NRG3: variants seen among roughly 807,000 people sequenced by gnomAD.
NRG3 encodes pro-neuregulin-3, membrane-bound isoform.
A neutral mutation model predicts 66.9 loss-of-function variants in NRG3; 31 were observed. The observed-to-expected ratio is 0.46, with a 90% CI of 0.35 to 0.63. The LOEUF is 0.63. Ranked by LOEUF, NRG3 falls within the 20% of genes least tolerant of loss-of-function variation. NRG3 has a pLI of 0.00. For missense variants in NRG3, 910 were observed against 878.9 expected, an observed-to-expected ratio of 1.04 and a Z score of -0.45; for synonymous variants, 393 against 359.4, an observed-to-expected ratio of 1.09 and a Z score of -1.06.
intron 2 of NRG3, among the ~76,000 whole-genome samples, chr10:82,688,328 A>G (rs1173331045): frequency 1.3e-5 from 2 of 152,158 alleles, no homozygotes; most frequent in Non-Finnish European, 2.9e-5. Context: ...AAAGATTCTC[A>G]TATGCCTGAT....
chr10:82,308,648 C>T (rs1290203933), intron 1 of NRG3, among the ~76,000 whole-genome samples: 1 of 152,024 alleles, frequency 6.6e-6, no homozygotes, highest in Non-Finnish European at 1.5e-5. Context: ...ACCAATATTC[C>T]TCCTGTTTTT....
chr10:82,511,595 A>G (rs1376632623), intron 2 of NRG3, among the ~76,000 whole-genome samples: 1 of 152,158 alleles, frequency 6.6e-6, no homozygotes, highest in Non-Finnish European at 1.5e-5. Flanking sequence ...ACCAGATAGC[A>G]CAGAAGCTGG....
At chr10:82,256,286 C>G (rs573723547) in intron 1 of NRG3, among the ~76,000 whole-genome samples, 6 of 152,294 alleles carry the variant, frequency 3.9e-5, no homozygotes, top group African/African-American at 1.4e-4. Flanking sequence ...CATCATCATC[C>G]ACTTGCTGTG....
intron 1 of NRG3, among the ~76,000 whole-genome samples, chr10:82,097,600 A>G (rs961151304): frequency 1.3e-5 from 2 of 151,696 alleles, no homozygotes; most frequent in Non-Finnish European, 2.9e-5. Context: ...TTGGGTGAAC[A>G]TACAGTTTGA....
intron 1 of NRG3, among the ~76,000 whole-genome samples, chr10:81,987,150 C>T (rs376859879): frequency 8.9e-4 from 135 of 152,090 alleles, no homozygotes; most frequent in East Asian, 3.1e-3. Flanking sequence ...TGCAGTGACG[C>T]GATCTCGGCT....
intron 4 of NRG3, among the ~76,000 whole-genome samples, chr10:82,915,629 A>G (rs559957055): frequency 3.2e-4 from 45 of 140,042 alleles, no homozygotes; most frequent in Middle Eastern, 3.6e-3. Flanking sequence ...TTTGCACTTC[A>G]AAGTAAAAAA....
intron 3 of NRG3, among the ~76,000 whole-genome samples, chr10:82,824,396 T>C (rs530851399): frequency 6.6e-6 from 1 of 152,324 alleles, no homozygotes; most frequent in East Asian, 1.9e-4. Flanking sequence ...GAGGTGAAAT[T>C]GCTGAGTTAT....
chr10:82,508,612 G>A (rs1349950186), intron 2 of NRG3, among the ~76,000 whole-genome samples: 1 of 152,224 alleles, frequency 6.6e-6, no homozygotes, highest in Non-Finnish European at 1.5e-5. Context: ...ACTTGAAGTT[G>A]TGCACAGATC....
intron 1 of NRG3, among the ~76,000 whole-genome samples, chr10:81,995,771 A>G (rs59717937): frequency 0.015 from 2,321 of 152,332 alleles, 77 homozygotes; most frequent in East Asian, 0.15. Context: ...TGGGTCTTCA[A>G]TATTCTAGTC....
intron 2 of NRG3, among the ~76,000 whole-genome samples, chr10:82,549,479 G>A (rs2044159766): frequency 1.3e-5 from 2 of 152,022 alleles, no homozygotes; most frequent in African/African-American, 4.8e-5. Context: ...CAGGAGAGTT[G>A]GTTTTATGCA....
At chr10:82,147,076 C>G (rs919999707) in intron 1 of NRG3, among the ~76,000 whole-genome samples, 1 of 152,302 alleles carries the variant, frequency 6.6e-6, no homozygotes, top group Non-Finnish European at 1.5e-5. Context: ...CAGGAACTGA[C>G]CAGATCCAGT....
intron 1 of NRG3, among the ~76,000 whole-genome samples, chr10:81,968,454 G>A (rs2059810120): frequency 6.6e-6 from 1 of 152,140 alleles, no homozygotes; most frequent in African/African-American, 2.4e-5. Context: ...ATGAGAGTGA[G>A]AAAGTGAGAT....
intron 1 of NRG3, among the ~76,000 whole-genome samples, chr10:82,199,700 A>G (rs2074667932): frequency 6.6e-6 from 1 of 152,150 alleles, no homozygotes; most frequent in Non-Finnish European, 1.5e-5. Flanking sequence ...CCTGTCATCA[A>G]TATTTGGAGC....
intron 2 of NRG3, among the ~76,000 whole-genome samples, chr10:82,396,673 T>G (rs1483333914): frequency 6.6e-6 from 1 of 152,342 alleles, no homozygotes; most frequent in African/African-American, 2.4e-5. Context: ...AGTTTGTAGC[T>G]TATGTAATTA....
intron 2 of NRG3, among the ~76,000 whole-genome samples, chr10:82,378,237 A>G (rs181354302): frequency 6.6e-6 from 1 of 152,350 alleles, no homozygotes; most frequent in Admixed American, 6.5e-5. Context: ...GAGGGAAAGC[A>G]TTAAGACATG....
intron 1 of NRG3, among the ~76,000 whole-genome samples, chr10:82,047,824 A>C (rs564204103): frequency 2.8e-4 from 43 of 152,254 alleles, no homozygotes; most frequent in East Asian, 5.8e-4. Flanking sequence ...TAGAGTCAAT[A>C]CCCATCAGTG....
chr10:82,061,720 T>A (rs926033126), intron 1 of NRG3, among the ~76,000 whole-genome samples: 1 of 152,026 alleles, frequency 6.6e-6, no homozygotes, highest in African/African-American at 2.4e-5. Context: ...ATTTCTGTTT[T>A]CCCCCTCTTC....
chr10:82,066,785 C>A (rs2064498992), intron 1 of NRG3, among the ~76,000 whole-genome samples: 1 of 152,120 alleles, frequency 6.6e-6, no homozygotes, highest in African/African-American at 2.4e-5. Flanking sequence ...TGGGAAGACA[C>A]CAGCTAGTTC....
intron 1 of NRG3, among the ~76,000 whole-genome samples, chr10:82,240,560 C>T (rs1186020366): frequency 6.6e-6 from 1 of 152,124 alleles, no homozygotes; most frequent in Non-Finnish European, 1.5e-5. Flanking sequence ...CAATCAGTCA[C>T]TCGAGTGTCC....
Sources: gnomAD v4.1 joint callset for allele counts (sites outside exome capture counted in the v4.1 genomes callset) on GRCh38, gnomAD v4.1.1 for gene constraint, MANE v1.5 for transcripts, NCBI Gene and HGNC (gene_info 2026-07-23, HGNC 2026-07-21) for gene names.